The following KDM2B variants were observed in gnomAD, a reference collection of about 807,000 sequenced individuals.
KDM2B encodes lysine demethylase 2B.
In KDM2B, 26 loss-of-function variants were observed where a neutral mutation model predicts 150.0. The observed-to-expected ratio is 0.17, with a 90% CI of 0.13 to 0.24. The LOEUF (loss-of-function observed/expected upper bound fraction) is 0.24. KDM2B is among the 10% of genes least tolerant of loss of function. The pLI is 1.00. For missense variants in KDM2B, 1,265 were observed against 1,816.9 expected, an observed-to-expected ratio of 0.70 and a Z score of 5.52; for synonymous variants, 734 against 729.5, an observed-to-expected ratio of 1.01 and a Z score of -0.10.
Position 121,430,503 on chromosome 12 carries a change from GGCCAGGA to G in KDM2B, c.3830-41_3830-35del. The G allele has an allele frequency of 6.4e-7, 1 of 1,564,990 alleles. No individual in the cohort carries two copies. Among genetic ancestry groups the G allele is most frequent in the Non-Finnish European group, 8.8e-7 (1 of 1,135,714 alleles). ...AAGAAATAGTAATGTGAGGTGTGAA[GGCCAGGA>G]GCCAGAAGCCCCCCCGCCGCCAGAC... On this transcript the variant is annotated intron_variant, in intron 22 of 22. Coordinates refer to ENST00000377071, the MANE Select transcript of KDM2B (RefSeq NM_032590.5). The surrounding 1 kb of genome is among the most constrained non-coding windows in gnomAD (Gnocchi z 4.4).
At position 121,429,883 on chromosome 12, in the gene KDM2B, TGTG is replaced by T. The variant is rs1872740243; in HGVS notation, c.*402_*404del. ...AAAAAAGTGTCAAGACGGCAGCAGA[TGTG>T]GTGTGTGGTCCACTTTATGTCAACA... On this transcript the variant is annotated 3_prime_UTR_variant, in exon 23 of 23. Coordinates refer to ENST00000377071, the MANE Select transcript of KDM2B (RefSeq NM_032590.5). 1.7e-6 allele frequency: 1 copy of T among 588,042 alleles called. No homozygotes were observed. Among genetic ancestry groups the T allele is most frequent in the Non-Finnish European group, 3.0e-6 (1 of 328,562 alleles). The allele number at this position is 588,042 out of a possible 1,614,324, so 36.4% of individuals were successfully genotyped here.
chr12:121,467,024 C>T lies in KDM2B; in HGVS notation c.1735-13680G>A, dbSNP rs1880095352. 2.8e-6 allele frequency: 1 copy of T among 354,510 alleles called. No individual in the cohort carries two copies. The highest frequency in any genetic ancestry group is 4.0e-6 in the Non-Finnish European group (1 of 248,040). 22.0% of individuals were successfully genotyped at this position (354,510 alleles called of 1,614,324 possible). ...CCCGCTCGGGCCCGGCCCCGGCCGCCCCGCCGGCAGCGGCAGCAAAACTTT... is the reference window on the plus strand; with the variant it reads ...CCCGCTCGGGCCCGGCCCCGGCCGCTCCGCCGGCAGCGGCAGCAAAACTTT... On this transcript the variant is annotated intron_variant, in intron 12 of 22. Coordinates refer to ENST00000377071, the MANE Select transcript of KDM2B (RefSeq NM_032590.5). This position sits in a 1 kb window ranked among gnomAD's most constrained non-coding sequence, Gnocchi z 5.1.
chr12:121,549,443 C>T lies in KDM2B; in HGVS notation c.576+17G>A, dbSNP rs782177761. The T allele has an allele frequency of 1.3e-6, 2 of 1,569,998 alleles. No individual in the cohort carries two copies. Among genetic ancestry groups the T allele is most frequent in the South Asian group, 1.2e-5 (1 of 86,652 alleles). ...GGTGGAAGGTATCTGGGGAGGGTAC[C>T]TGGGCCCCGGACCTACCACAGTCGG... On this transcript the variant is annotated intron_variant, in intron 5 of 22. Transcript: ENST00000377071. This position sits in a 1 kb window ranked among gnomAD's most constrained non-coding sequence, Gnocchi z 4.4.
At chr12:121,478,157 G>A (rs1184930887) in intron 12 of KDM2B, among the ~76,000 whole-genome samples, 1 of 151,928 alleles carries the variant, frequency 6.6e-6, no homozygotes, top group African/African-American at 2.4e-5. Context: ...TTACAGGAAT[G>A]AGCCACTGCG....
intron 6 of KDM2B, among the ~76,000 whole-genome samples, chr12:121,541,568 C>A (rs983417949): frequency 2.4e-4 from 36 of 151,612 alleles, no homozygotes; most frequent in African/African-American, 8.2e-4. Flanking sequence ...ACAAAATGTG[C>A]CCCAAAATGT....
intron 4 of KDM2B, among the ~76,000 whole-genome samples, chr12:121,569,795 G>T (rs967130470): frequency 6.6e-6 from 1 of 151,954 alleles, no homozygotes; most frequent in African/African-American, 2.4e-5. Flanking sequence ...AGGGAGAGGG[G>T]GCTGGATGAC....
At chr12:121,480,688 T>C (rs1555297699) in intron 12 of KDM2B, among the ~76,000 whole-genome samples, 1 of 151,178 alleles carries the variant, frequency 6.6e-6, no homozygotes, top group Admixed American at 6.6e-5. Flanking sequence ...AGAGGAGCAC[T>C]TGAGCCCAGG....
At chr12:121,553,007 C>A (rs1889624352) in intron 4 of KDM2B, among the ~76,000 whole-genome samples, 1 of 152,018 alleles carries the variant, frequency 6.6e-6, no homozygotes, top group Non-Finnish European at 1.5e-5. Flanking sequence ...CTGAGGCGGG[C>A]AGATCATGAG....
At chr12:121,420,859 T>C in the KDM2B span, 1 of 1,032,276 alleles carries the variant, frequency 9.7e-7, no homozygotes, top group Non-Finnish European at 1.5e-6. Flanking sequence ...CACAATTAAG[T>C]CAAATTTATT....
chr12:121,516,598 G>C (rs782768867), intron 9 of KDM2B: 22 of 1,238,882 alleles, frequency 1.8e-5, no homozygotes, highest in Admixed American at 2.8e-5. Flanking sequence ...GTTAACCAAC[G>C]TCAGTCCAAA....
chr12:121,536,037 C>G, intron 6 of KDM2B: 5 of 985,752 alleles, frequency 5.1e-6, no homozygotes, highest in Non-Finnish European at 6.0e-6. Context: ...CCCCGCTGCA[C>G]TTTGCCTTTC....
chr12:121,507,069 C>A (rs1555303071), intron 11 of KDM2B, among the ~76,000 whole-genome samples: 3 of 150,102 alleles, frequency 2.0e-5, no homozygotes, highest in African/African-American at 7.4e-5. Context: ...TGCACTCCAG[C>A]CTGGGCGACA....
At chr12:121,569,416 C>A (rs895162910) in intron 4 of KDM2B, among the ~76,000 whole-genome samples, 10 of 152,028 alleles carry the variant, frequency 6.6e-5, no homozygotes, top group Non-Finnish European at 1.3e-4. Flanking sequence ...GAGAAGCCTG[C>A]CAAGAATGAA....
intron 4 of KDM2B, among the ~76,000 whole-genome samples, chr12:121,565,942 T>G (rs570312641): frequency 2.6e-5 from 4 of 151,970 alleles, no homozygotes; most frequent in African/African-American, 4.8e-5. Context: ...ATTTTTTTTT[T>G]TTTTTAATAA....
intron 4 of KDM2B, 190 bp downstream of exon 4, chr12:121,574,357 C>T (rs1227831988): frequency 9.3e-6 from 5 of 535,556 alleles, no homozygotes; most frequent in South Asian, 4.7e-5. Flanking sequence ...CCCTCTGATA[C>T]AGCTTCTTAA....
downstream of KDM2B, among the ~76,000 whole-genome samples, chr12:121,427,822 T>C (rs1287871083): frequency 1.3e-5 from 2 of 152,140 alleles, no homozygotes; most frequent in African/African-American, 4.8e-5. Flanking sequence ...CCTTAACTAG[T>C]CCCAGTTGCA....
chr12:121,556,383 AT>A (rs1472740538), intron 4 of KDM2B, among the ~76,000 whole-genome samples: 1 of 152,036 alleles, frequency 6.6e-6, no homozygotes, highest in Non-Finnish European at 1.5e-5. Flanking sequence ...ATTTAGAAGC[AT>A]TTGGCACCTC....
intron 12 of KDM2B, among the ~76,000 whole-genome samples, chr12:121,484,775 G>A (rs1224516427): frequency 1.3e-5 from 2 of 151,992 alleles, no homozygotes; most frequent in African/African-American, 2.4e-5. Flanking sequence ...CTGTGATTGC[G>A]ACACTGCACT....
chr12:121,476,973 C>A (rs114351378), intron 12 of KDM2B, among the ~76,000 whole-genome samples: 1,640 of 152,324 alleles, frequency 0.011, 30 homozygotes, highest in African/African-American at 0.037. Context: ...TTAGGGGTAG[C>A]CCCAGTTGAC....
Sources: gnomAD v4.1 joint callset for allele counts (sites outside exome capture counted in the v4.1 genomes callset) on GRCh38, gnomAD v4.1.1 for gene constraint, Gnocchi (gnomAD v3.1) non-coding constraint, MANE v1.5 for transcripts, NCBI Gene and HGNC (gene_info 2026-07-23, HGNC 2026-07-21) for gene names.